GALNT18: variants seen among roughly 807,000 people sequenced by gnomAD.
GALNT18 encodes GalNAc-transferase 18.
GALNT18 carries 44 observed loss-of-function variants against 69.5 expected under a neutral mutation model. The observed-to-expected ratio is 0.63, with a 90% CI of 0.50 to 0.81. The LOEUF (loss-of-function observed/expected upper bound fraction) is 0.81, where lower values mean the gene tolerates loss of function less well. Ranked by LOEUF, GALNT18 falls within the 40% of genes least tolerant of loss-of-function variation. The probability of loss-of-function intolerance (pLI) is 0.00; values close to 1 mark genes in which losing one functional copy is unlikely to be tolerated. For synonymous variants in GALNT18, 364 were observed against 318.2 expected, an observed-to-expected ratio of 1.14 and a Z score of -1.53; for missense variants, 715 against 810.0, an observed-to-expected ratio of 0.88 and a Z score of 1.42.
In GALNT18 at chr11:11,470,371, T is replaced by C. The variant is rs1856242973; in HGVS notation, c.236-21435A>G. ...GTCATGCCCTACATTCATATCTTGA[T>C]CTATGGATGGGAATTTCCATCTTAG... On this transcript the variant is annotated intron_variant, in intron 1 of 10. Coordinates refer to ENST00000227756, the MANE Select transcript of GALNT18 (RefSeq NM_198516.3). The surrounding 1 kb of genome is among the most constrained non-coding windows in gnomAD (Gnocchi z 4.8). Among the ~76,000 whole-genome samples the C allele has an allele frequency of 6.6e-6, 1 of 152,198 alleles. No homozygotes were observed. The highest frequency in any genetic ancestry group is 1.5e-5 in the Non-Finnish European group (1 of 68,034).
intron 6 of GALNT18, among the ~76,000 whole-genome samples, chr11:11,362,834 T>C (rs1850673957): frequency 6.6e-6 from 1 of 152,194 alleles, no homozygotes; most frequent in African/African-American, 2.4e-5. Flanking sequence ...CAATTCCATT[T>C]CTAGGAATCT....
chr11:11,279,490 AAC>A (rs1236107210), intron 10 of GALNT18, among the ~76,000 whole-genome samples: 1 of 152,204 alleles, frequency 6.6e-6, no homozygotes, highest in East Asian at 1.9e-4. Context: ...CGATTTATAA[AAC>A]TAACCTGGAG....
intron 1 of GALNT18, among the ~76,000 whole-genome samples, chr11:11,556,363 C>G (rs1858333717): frequency 6.6e-6 from 1 of 152,196 alleles, no homozygotes; most frequent in Non-Finnish European, 1.5e-5. Flanking sequence ...GCGTGAAGTG[C>G]CACGTCTAGG....
At chr11:11,302,887 T>C (rs1202061678) in intron 9 of GALNT18, among the ~76,000 whole-genome samples, 5 of 152,190 alleles carry the variant, frequency 3.3e-5, no homozygotes, top group African/African-American at 1.2e-4. Flanking sequence ...TCAGCAACCC[T>C]TGAGAAGACC....
intron 10 of GALNT18, among the ~76,000 whole-genome samples, chr11:11,281,522 G>A (rs538403355): frequency 6.6e-6 from 1 of 152,282 alleles, no homozygotes; most frequent in South Asian, 2.1e-4. Context: ...CTTGCCAACA[G>A]CGAGGTGCTG....
chr11:11,567,249 C>T (rs532663043), intron 1 of GALNT18, among the ~76,000 whole-genome samples: 1 of 152,172 alleles, frequency 6.6e-6, no homozygotes, highest in Non-Finnish European at 1.5e-5. Context: ...AGCAGCAACA[C>T]TTTTCCTAGT....
At position 11,341,980 on chromosome 11, in the gene GALNT18, T is replaced by TA. The variant is rs1850216858; in HGVS notation, c.1093-977_1093-976insT. Among the ~76,000 whole-genome samples the TA allele has an allele frequency of 6.9e-6, 1 of 145,656 alleles. No individual in the cohort carries two copies. The highest frequency in any genetic ancestry group is 1.5e-5 in the Non-Finnish European group (1 of 65,270). ...CTAAAACATTAAAATTTTTTTTTTT[T>TA]TAAAAAGACCTTGACTATATGGCCC... On this transcript the variant is annotated intron_variant, in intron 6 of 10. Coordinates refer to ENST00000227756, the MANE Select transcript of GALNT18 (RefSeq NM_198516.3). This position sits in a 1 kb window ranked among gnomAD's most constrained non-coding sequence, Gnocchi z 6.3.
chr11:11,331,080 G>A (rs1036485584), intron 8 of GALNT18, among the ~76,000 whole-genome samples: 2 of 152,206 alleles, frequency 1.3e-5, no homozygotes, highest in Non-Finnish European at 2.9e-5. Flanking sequence ...GGCATCAAAG[G>A]CAGCTGTGTC....
chr11:11,288,713 A>G (rs1312763635), intron 10 of GALNT18, among the ~76,000 whole-genome samples: 2 of 152,236 alleles, frequency 1.3e-5, no homozygotes, highest in Non-Finnish European at 2.9e-5. Flanking sequence ...TCTCAGTGTC[A>G]GTATCTAACG....
intron 3 of GALNT18, among the ~76,000 whole-genome samples, chr11:11,400,917 T>C (rs1264365927): frequency 6.6e-6 from 1 of 152,184 alleles, no homozygotes; most frequent in Non-Finnish European, 1.5e-5. Flanking sequence ...CCAAAGAGTG[T>C]TAAATTTTCC....
At chr11:11,366,583 G>C (rs1001642431) in intron 6 of GALNT18, among the ~76,000 whole-genome samples, 1 of 152,110 alleles carries the variant, frequency 6.6e-6, no homozygotes, top group African/African-American at 2.4e-5. Flanking sequence ...ATACTATCTG[G>C]CTTGCCTTCA....
At chr11:11,484,424 C>T (rs947480908) in intron 1 of GALNT18, among the ~76,000 whole-genome samples, 3 of 151,842 alleles carry the variant, frequency 2.0e-5, no homozygotes, top group Admixed American at 1.3e-4. Context: ...GAAACCCCCA[C>T]CTCTACTAAA....
At chr11:11,287,598 G>A (rs1224879408) in intron 10 of GALNT18, among the ~76,000 whole-genome samples, 4 of 152,090 alleles carry the variant, frequency 2.6e-5, no homozygotes, top group Non-Finnish European at 5.9e-5. Flanking sequence ...ATCTCAGTAC[G>A]AAGGCTACTC....
At chr11:11,364,986 C>G (rs1850729549) in intron 6 of GALNT18, among the ~76,000 whole-genome samples, 1 of 148,210 alleles carries the variant, frequency 6.7e-6, no homozygotes. Context: ...TCGATATTGT[C>G]CATAATAAAG....
intron 1 of GALNT18, among the ~76,000 whole-genome samples, chr11:11,578,165 C>T (rs1024659384): frequency 3.3e-5 from 5 of 152,158 alleles, no homozygotes; most frequent in African/African-American, 7.2e-5. Flanking sequence ...TGAACTCCCA[C>T]GAAGGCTGAC....
intron 1 of GALNT18, among the ~76,000 whole-genome samples, chr11:11,501,925 G>T (rs1169802639): frequency 6.6e-6 from 1 of 152,224 alleles, no homozygotes; most frequent in Non-Finnish European, 1.5e-5. Flanking sequence ...CTTCAGAGAG[G>T]CCTGAGATCT....
At chr11:11,549,709 G>A (rs1019001352) in intron 1 of GALNT18, among the ~76,000 whole-genome samples, 21 of 152,270 alleles carry the variant, frequency 1.4e-4, no homozygotes, top group Non-Finnish European at 2.2e-4. Flanking sequence ...TTCAAGTAGT[G>A]GTAACCTTCT....
intron 6 of GALNT18, among the ~76,000 whole-genome samples, chr11:11,353,996 C>A (rs1172130295): frequency 1.3e-5 from 2 of 152,184 alleles, no homozygotes; most frequent in Admixed American, 6.5e-5. Context: ...TCAAATGATA[C>A]AAATGAGGCT....
intron 9 of GALNT18, among the ~76,000 whole-genome samples, chr11:11,325,383 G>T (rs1030721007): frequency 7.2e-5 from 11 of 152,120 alleles, no homozygotes; most frequent in Admixed American, 6.5e-4. Flanking sequence ...GAGGGGTGAG[G>T]AATAAAAGAG....
Sources: gnomAD v4.1 joint callset for allele counts (sites outside exome capture counted in the v4.1 genomes callset) on GRCh38, gnomAD v4.1.1 for gene constraint, Gnocchi (gnomAD v3.1) non-coding constraint, MANE v1.5 for transcripts, NCBI Gene and HGNC (gene_info 2026-07-23, HGNC 2026-07-21) for gene names.